The following GABRB2 variants were observed in gnomAD, a reference collection of about 807,000 sequenced individuals.
GABRB2 encodes gamma-aminobutyric acid type A receptor subunit beta2.
A neutral mutation model predicts 54.7 loss-of-function variants in GABRB2; 16 were observed. That is an observed-to-expected ratio of 0.29 (90% CI 0.20 to 0.44). The LOEUF is 0.44. GABRB2 is among the 20% of genes least tolerant of loss of function. The pLI, the probability that GABRB2 is intolerant of heterozygous loss-of-function variation, is 1.00. For synonymous variants in GABRB2, 244 were observed against 233.8 expected (o/e 1.04, Z -0.40); for missense variants, 355 against 644.0 (o/e 0.55, Z 4.86).
rs1287992709 is a variant in GABRB2, at chr5:161,289,574, T to C, written c.*4507A>G. ...CTGTAGTGCCATCTATACAAACTTT[T>C]ACTGTTTGAAAACTGAGATTTAAGT... On this transcript the variant is annotated 3_prime_UTR_variant, in exon 10 of 10. Transcript: ENST00000393959. The C allele has an allele frequency of 6.6e-6, 1 of 152,142 alleles. No homozygotes were observed. The highest frequency in any genetic ancestry group is 1.5e-5 in the Non-Finnish European group (1 of 68,014). The allele number at this position is 152,142 out of a possible 1,614,324, so 9.4% of individuals were successfully genotyped here.
chr5:161,472,165 GT>G (rs1561662387), intron 3 of GABRB2, among the ~76,000 whole-genome samples: 1 of 151,736 alleles, frequency 6.6e-6, no homozygotes. Flanking sequence ...ATTAATGTTT[GT>G]TATTATTATT....
chr5:161,316,926 C>T (rs1758054709), intron 9 of GABRB2, among the ~76,000 whole-genome samples: 1 of 152,102 alleles, frequency 6.6e-6, no homozygotes, highest in African/African-American at 2.4e-5. Context: ...CAGCGATAAT[C>T]ATTAGAAATC....
chr5:161,323,088 G>A (rs138286008), intron 9 of GABRB2, among the ~76,000 whole-genome samples: 11,616 of 149,592 alleles, frequency 0.078, 553 homozygotes, highest in South Asian at 0.15. Flanking sequence ...GCAGTGGTGC[G>A]ATCTCGTCTC....
At chr5:161,489,111 A>G (rs1305344347) in intron 3 of GABRB2, among the ~76,000 whole-genome samples, 1 of 151,752 alleles carries the variant, frequency 6.6e-6, no homozygotes, top group African/African-American at 2.4e-5. Flanking sequence ...CAAATAGACT[A>G]TTAGTGCTGA....
At chr5:161,406,050 A>T (rs1342603757) in intron 5 of GABRB2, among the ~76,000 whole-genome samples, 1 of 152,086 alleles carries the variant, frequency 6.6e-6, no homozygotes. Context: ...ACTCTCACAC[A>T]CTCACAAGTA....
In GABRB2 at chr5:161,294,325, A is replaced by C; in HGVS notation, c.1295T>G (p.Leu432Arg). Residue 432 changes from leucine (L) to arginine (R), a missense_variant, in exon 10 of 10, where the codon CTA (leucine) becomes CGA (arginine). Leu to Arg is a moderately radical substitution (Grantham distance 102). Transcript: ENST00000393959. The part of the protein sequence containing the change: ...MGLGDPRSTM[L>R]AYDASSIQYR... ...CTGGATGCTGGAGGCATCATAGGCTAGCATTGTGCTTCTGGGGTCTCCAAG... is the reference window on the plus strand; with the variant it reads ...CTGGATGCTGGAGGCATCATAGGCTCGCATTGTGCTTCTGGGGTCTCCAAG... 6.2e-7 allele frequency: 1 copy of C among 1,614,132 alleles called. No homozygotes were observed. The highest frequency in any genetic ancestry group is 8.5e-7 in the Non-Finnish European group (1 of 1,180,002).
intron 5 of GABRB2, among the ~76,000 whole-genome samples, chr5:161,405,755 C>T (rs761050671): frequency 5.3e-5 from 8 of 152,004 alleles, no homozygotes; most frequent in Non-Finnish European, 1.2e-4. Flanking sequence ...GAATCTATAG[C>T]ATAACCCAAT....
chr5:161,530,300 T>G (rs1039474452), intron 3 of GABRB2, among the ~76,000 whole-genome samples: 4 of 152,138 alleles, frequency 2.6e-5, no homozygotes, highest in African/African-American at 9.7e-5. Context: ...TAAAGCAGCC[T>G]AATTAAAAAT....
intron 5 of GABRB2, among the ~76,000 whole-genome samples, chr5:161,407,009 C>T (rs1435491842): frequency 6.6e-6 from 1 of 152,084 alleles, no homozygotes; most frequent in Non-Finnish European, 1.5e-5. Flanking sequence ...GTCCAACTTA[C>T]TCAGAGATAA....
chr5:161,437,239 T>C (rs1374753284), intron 4 of GABRB2, among the ~76,000 whole-genome samples: 1 of 151,700 alleles, frequency 6.6e-6, no homozygotes, highest in Non-Finnish European at 1.5e-5. Context: ...AGAGACCCCT[T>C]CCTTCTGCTT....
chr5:161,523,940 A>G (rs1412821461), intron 3 of GABRB2, among the ~76,000 whole-genome samples: 1 of 151,434 alleles, frequency 6.6e-6, no homozygotes, highest in South Asian at 2.1e-4. Flanking sequence ...GTTGTTCTAT[A>G]ACTTCTTAGT....
At chr5:161,376,466 A>G (rs1755301646) in intron 5 of GABRB2, among the ~76,000 whole-genome samples, 1 of 152,124 alleles carries the variant, frequency 6.6e-6, no homozygotes, top group African/African-American at 2.4e-5. Flanking sequence ...TGAAAAGACG[A>G]GAAAAAAATG....
intron 5 of GABRB2, among the ~76,000 whole-genome samples, chr5:161,364,685 C>T (rs1754924818): frequency 6.6e-6 from 1 of 152,108 alleles, no homozygotes; most frequent in South Asian, 2.1e-4. Flanking sequence ...ACTTCTTTCC[C>T]TCAAATATTT....
intron 4 of GABRB2, among the ~76,000 whole-genome samples, chr5:161,455,890 C>T (rs1382695873): frequency 6.6e-6 from 1 of 152,114 alleles, no homozygotes; most frequent in Non-Finnish European, 1.5e-5. Context: ...ACTTACATAC[C>T]TACCGTTAAA....
intron 9 of GABRB2, among the ~76,000 whole-genome samples, chr5:161,316,375 G>A (rs74769587): frequency 6.6e-6 from 1 of 152,140 alleles, no homozygotes; most frequent in Non-Finnish European, 1.5e-5. Context: ...AAATATTAGA[G>A]GTGACTTTGT....
chr5:161,399,264 C>CCA, intron 5 of GABRB2, among the ~76,000 whole-genome samples: 1 of 152,014 alleles, frequency 6.6e-6, no homozygotes, highest in Non-Finnish European at 1.5e-5. Context: ...ATCAGAATGA[C>CCA]CTCAGTTTAA....
intron 3 of GABRB2, among the ~76,000 whole-genome samples, chr5:161,489,904 T>A (rs189579415): frequency 1.1e-4 from 16 of 151,914 alleles, no homozygotes; most frequent in Non-Finnish European, 2.1e-4. Flanking sequence ...AATCCAAAGT[T>A]AAATCAAATG....
chr5:161,403,708 A>G (rs1488494965), intron 5 of GABRB2, among the ~76,000 whole-genome samples: 3 of 152,158 alleles, frequency 2.0e-5, no homozygotes, highest in Non-Finnish European at 4.4e-5. Flanking sequence ...GAAAATGAGT[A>G]ACCACATAAT....
At chr5:161,447,085 C>A (rs993040816) in intron 4 of GABRB2, among the ~76,000 whole-genome samples, 3 of 152,132 alleles carry the variant, frequency 2.0e-5, no homozygotes, top group African/African-American at 7.2e-5. Context: ...ACTTATGTGC[C>A]AGGCACTTTA....
Sources: gnomAD v4.1 joint callset for allele counts (sites outside exome capture counted in the v4.1 genomes callset) on GRCh38, gnomAD v4.1.1 for gene constraint, MANE v1.5 for transcripts, NCBI Gene and HGNC (gene_info 2026-07-23, HGNC 2026-07-21) for gene names.